The following OTOP1 variants were observed in gnomAD, a reference collection of about 807,000 sequenced individuals.
The protein encoded by OTOP1 is proton channel OTOP1.
A neutral mutation model predicts 52.9 loss-of-function variants in OTOP1; 59 were observed. That is an observed-to-expected ratio of 1.12 (90% CI 0.91 to 1.39). The LOEUF (loss-of-function observed/expected upper bound fraction) is 1.39, where lower values mean the gene tolerates loss of function less well. OTOP1 is among the 40% of genes most tolerant of loss of function. The pLI, the probability that OTOP1 is intolerant of heterozygous loss-of-function variation, is 0.00. For synonymous variants in OTOP1, 317 were observed against 337.7 expected, an observed-to-expected ratio of 0.94 and a Z score of 0.67; for missense variants, 761 against 800.9, an observed-to-expected ratio of 0.95 and a Z score of 0.60.
At chr4:4,201,471 T>TACACACACACACACAC (rs762922216) in intron 4 of OTOP1, among the ~76,000 whole-genome samples, 7 of 140,764 alleles carry the variant, frequency 5.0e-5, no homozygotes, top group South Asian at 2.3e-4. Flanking sequence ...TATATATATA[T>TACACACACACACACAC]ACACACACAC....
chr4:4,220,119 T>TTG (rs1717268353), intron 1 of OTOP1, among the ~76,000 whole-genome samples: 1 of 129,202 alleles, frequency 7.7e-6, no homozygotes, highest in African/African-American at 2.8e-5. Flanking sequence ...TTTTTTTTTT[T>TTG]GAGATGGAGT....
At chr4:4,196,427 G>A (rs543471984) in intron 5 of OTOP1, among the ~76,000 whole-genome samples, 1 of 152,136 alleles carries the variant, frequency 6.6e-6, no homozygotes, top group African/African-American at 2.4e-5. Context: ...TGTGGTGGCA[G>A]GTGCCTGTAA....
intron 1 of OTOP1, among the ~76,000 whole-genome samples, chr4:4,224,640 C>G (rs1717384873): frequency 6.6e-6 from 1 of 152,200 alleles, no homozygotes; most frequent in African/African-American, 2.4e-5. Flanking sequence ...CCATTAACTT[C>G]CCTAAAACAA....
In OTOP1 at chr4:4,226,914, C is replaced by G; in HGVS notation, c.-50G>C. On this transcript the variant is annotated 5_prime_UTR_variant, in exon 1 of 6. Transcript: ENST00000296358. ...GGTCCCGGGGGTGGCTGCCGTCGGGCCCCGCCTGCGCTCCTGGCTCCTGTC... is the reference window on the plus strand; with the variant it reads ...GGTCCCGGGGGTGGCTGCCGTCGGGGCCCGCCTGCGCTCCTGGCTCCTGTC... 1 of 1,292,260 alleles carries G rather than the reference C, an allele frequency of 7.7e-7. No individual in the cohort carries two copies. The highest frequency in any genetic ancestry group is 9.8e-7 in the Non-Finnish European group (1 of 1,022,820). The allele number at this position is 1,292,260 out of a possible 1,614,324, so 80.0% of individuals were successfully genotyped here. A position where few individuals can be genotyped will look rare whatever the true frequency, so the allele number is the denominator to read the frequency against.
chr4:4,215,621 T>C lies in OTOP1; in HGVS notation c.404-2617A>G, dbSNP rs1355829616. On this transcript the variant is annotated intron_variant, in intron 1 of 5. Coordinates refer to ENST00000296358, the MANE Select transcript of OTOP1 (RefSeq NM_177998.3). Reference sequence around the variant, plus strand: ...GTTGCAGTGAGCCGAGATCGCATGATTGCACTCCAGCCAGGGCAACAAGAG... The same window carrying C: ...GTTGCAGTGAGCCGAGATCGCATGACTGCACTCCAGCCAGGGCAACAAGAG... Among the ~76,000 whole-genome samples the C allele has an allele frequency of 4.6e-5, 7 of 152,018 alleles. No homozygotes were observed. The East Asian group carries it at 1.2e-3, about 25-fold the overall frequency.
intron 2 of OTOP1, among the ~76,000 whole-genome samples, chr4:4,208,889 G>A (rs1005790287): frequency 2.6e-5 from 4 of 152,122 alleles, no homozygotes; most frequent in East Asian, 3.8e-4. Context: ...GGCCACCAGC[G>A]CATTCGGTGA....
intron 1 of OTOP1, among the ~76,000 whole-genome samples, chr4:4,219,562 C>T (rs941092019): frequency 8.6e-5 from 13 of 151,738 alleles, no homozygotes; most frequent in African/African-American, 1.2e-4. Flanking sequence ...ATTAGCCGGG[C>T]GTGGTGGCGG....
At chr4:4,217,299 T>G (rs533990959) in intron 1 of OTOP1, among the ~76,000 whole-genome samples, 6 of 152,226 alleles carry the variant, frequency 3.9e-5, no homozygotes, top group African/African-American at 1.4e-4. Flanking sequence ...AGTATAATAT[T>G]GCATAAATTG....
chr4:4,189,742 A>G (rs921285950), intron 5 of OTOP1, among the ~76,000 whole-genome samples: 1 of 152,190 alleles, frequency 6.6e-6, no homozygotes, highest in African/African-American at 2.4e-5. Flanking sequence ...GCTGTGAAGC[A>G]CCCTATGCGG....
At chr4:4,225,850 G>A (rs1200598791) in intron 1 of OTOP1, among the ~76,000 whole-genome samples, 2 of 152,156 alleles carry the variant, frequency 1.3e-5, no homozygotes, top group Non-Finnish European at 1.5e-5. Flanking sequence ...GTGCGGGCTG[G>A]GGGCATGTGG....
chr4:4,222,067 T>C lies in OTOP1; in HGVS notation c.403+4395A>G, dbSNP rs572672658. Among the ~76,000 whole-genome samples the C allele has an allele frequency of 4.7e-4, 71 of 152,306 alleles. No individual in the cohort carries two copies. In the South Asian group the frequency reaches 0.012, roughly 26 times the overall value. On this transcript the variant is annotated intron_variant, in intron 1 of 5. Coordinates refer to ENST00000296358, the MANE Select transcript of OTOP1 (RefSeq NM_177998.3). ...CCAATCATTCAATCATTCAATTATT[T>C]AGTAGACACGAATTGGCATTTACTA... is the stretch of plus-strand genomic sequence containing the variant.
chr4:4,207,064 T>A (rs1206328113), intron 2 of OTOP1, among the ~76,000 whole-genome samples: 1 of 152,172 alleles, frequency 6.6e-6, no homozygotes, highest in East Asian at 1.9e-4. Context: ...GTTATAAAAA[T>A]AAAATCAGAG....
intron 5 of OTOP1, among the ~76,000 whole-genome samples, chr4:4,195,519 A>T (rs1210876115): frequency 6.6e-6 from 1 of 152,146 alleles, no homozygotes; most frequent in African/African-American, 2.4e-5. Context: ...TCTTGAACCC[A>T]GATGTGATGC....
At position 4,212,763 on chromosome 4, in the gene OTOP1, GCA is replaced by G. The variant is rs1215121388; in HGVS notation, c.540+103_540+104del. On this transcript the variant is annotated intron_variant, in intron 2 of 5. Transcript: ENST00000296358. ...TCAGTTCACTGCAGTTCACAGCTGT[GCA>G]CACTGTCTCCACCTGCCACACGTCT... 28 of 1,307,184 alleles carry G rather than the reference GCA, an allele frequency of 2.1e-5. No individual in the cohort carries two copies. The Admixed American group carries it at 3.9e-4, about 18-fold the overall frequency. The allele number at this position is 1,307,184 out of a possible 1,614,324, so 81.0% of individuals were successfully genotyped here. A position where few individuals can be genotyped will look rare whatever the true frequency, so the allele number is the denominator to read the frequency against.
At chr4:4,219,785 A>G (rs1425269183) in intron 1 of OTOP1, among the ~76,000 whole-genome samples, 1 of 148,236 alleles carries the variant, frequency 6.7e-6, no homozygotes, top group Non-Finnish European at 1.5e-5. Context: ...ATATATGCAC[A>G]TATATATGTA....
chr4:4,222,507 A>C (rs953659598), intron 1 of OTOP1, among the ~76,000 whole-genome samples: 3 of 152,190 alleles, frequency 2.0e-5, no homozygotes, highest in Non-Finnish European at 4.4e-5. Flanking sequence ...TTTCCTTTCC[A>C]ATGAAAGCCA....
intron 1 of OTOP1, among the ~76,000 whole-genome samples, chr4:4,221,011 T>A (rs1379917757): frequency 6.6e-6 from 1 of 152,000 alleles, no homozygotes; most frequent in Non-Finnish European, 1.5e-5. Flanking sequence ...CATCACCAGC[T>A]GGTACTTACT....
chr4:4,199,220 T>TTGTGTGTGTGTGTGTGTGTGTGTG lies in OTOP1; in HGVS notation c.731-1118_731-1117insCACACACACACACACACACACACA, dbSNP rs151144007. Among the ~76,000 whole-genome samples the TTGTGTGTGTGTGTGTGTGTGTGTG allele has an allele frequency of 3.6e-3, 196 of 54,192 alleles. 19 individuals carry two copies. Among genetic ancestry groups the TTGTGTGTGTGTGTGTGTGTGTGTG allele is most frequent in the Non-Finnish European group, 4.8e-3 (125 of 25,796 alleles). 35.6% of individuals were successfully genotyped at this position (54,192 alleles called of 152,430 possible). On this transcript the variant is annotated intron_variant, in intron 4 of 5. Transcript: ENST00000296358. ...TAATTTAAAAAAAACTCAGGTAAAA[T>TTGTGTGTGTGTGTGTGTGTGTGTG]TGTGTGTGTGTGTGAGAGAGAGAGA...
chr4:4,224,984 T>C (rs1181037246), intron 1 of OTOP1, among the ~76,000 whole-genome samples: 7 of 152,188 alleles, frequency 4.6e-5, no homozygotes, highest in South Asian at 4.1e-4. Flanking sequence ...TCTTATCCAG[T>C]TTGAGATCCC....
Sources: gnomAD v4.1 joint callset for allele counts (sites outside exome capture counted in the v4.1 genomes callset) on GRCh38, gnomAD v4.1.1 for gene constraint, MANE v1.5 for transcripts, NCBI Gene and HGNC (gene_info 2026-07-23, HGNC 2026-07-21) for gene names.